Variants in HOOK3 observed in about 807,000 individuals in gnomAD.
The protein encoded by HOOK3 is hook microtubule tethering protein 3, also known as protein Hook homolog 3.
HOOK3 carries 24 observed loss-of-function variants against 116.3 expected under a neutral mutation model. The observed-to-expected ratio is 0.21, with a 90% CI of 0.15 to 0.29. The LOEUF is 0.29. Among genes scored for constraint, HOOK3 ranks in the 10% least tolerant of loss-of-function variants. The probability of loss-of-function intolerance (pLI) is 1.00; values close to 1 mark genes in which losing one functional copy is unlikely to be tolerated. For missense variants in HOOK3, 632 were observed against 830.2 expected, an observed-to-expected ratio of 0.76 and a Z score of 2.93; for synonymous variants, 275 against 283.0, an observed-to-expected ratio of 0.97 and a Z score of 0.28.
intron 2 of HOOK3, among the ~76,000 whole-genome samples, chr8:42,924,725 C>T (rs1032935412): frequency 6.6e-6 from 1 of 152,100 alleles, no homozygotes; most frequent in Non-Finnish European, 1.5e-5. Context: ...GTAATCCCAG[C>T]ACTTTGGGAG....
chr8:42,986,824 C>T lies in HOOK3; in HGVS notation c.1532+29C>T, dbSNP rs1016988886. 1.1e-5 allele frequency: 17 copies of T among 1,604,594 alleles called. No individual in the cohort carries two copies. The Admixed American group carries it at 2.4e-4, about 23-fold the overall frequency. On this transcript the variant is annotated intron_variant, in intron 15 of 21. Coordinates refer to ENST00000307602, the MANE Select transcript of HOOK3 (RefSeq NM_032410.4). ...GAGTATTATAGGTGGCCGCATCTGG[C>T]TATAAGTTTTCCCTATTTGCCTTGA...
intron 8 of HOOK3, among the ~76,000 whole-genome samples, chr8:42,962,729 C>G (rs1438462792): frequency 2.1e-4 from 31 of 147,582 alleles, no homozygotes. Flanking sequence ...AAATTAGATT[C>G]TTTTTGTCTG....
chr8:42,939,229 T>A (rs1254396230), intron 4 of HOOK3, among the ~76,000 whole-genome samples: 2 of 152,184 alleles, frequency 1.3e-5, no homozygotes, highest in South Asian at 4.1e-4. Context: ...AATGAGCTAT[T>A]GGGTACACCT....
chr8:42,972,585 G>A (rs1385991509), intron 11 of HOOK3, among the ~76,000 whole-genome samples: 1 of 152,056 alleles, frequency 6.6e-6, no homozygotes, highest in Non-Finnish European at 1.5e-5. Flanking sequence ...TTAAATTGTA[G>A]AGACTGGGTC....
chr8:42,997,489 C>G, intron 15 of HOOK3, 61 bp from the exon 16 acceptor site: 11 of 977,336 alleles, frequency 1.1e-5, no homozygotes, highest in Non-Finnish European at 1.7e-5. Context: ...ATATGACAAC[C>G]TAGGGAAAAA....
In HOOK3 at chr8:42,929,099, A is replaced by T. The variant is rs542137598; in HGVS notation, c.217-1023A>T. Among the ~76,000 whole-genome samples, 3 of 152,352 alleles carry T rather than the reference A, an allele frequency of 2.0e-5. No homozygotes were observed. In the East Asian group the frequency reaches 5.8e-4, roughly 29 times the overall value. On this transcript the variant is annotated intron_variant, in intron 3 of 21. Transcript: ENST00000307602. Reference sequence around the variant, plus strand: ...GATGTAGCTTTTTGTGATGTGATTTAAAAAACTACCATTTTAAATGAATGG... The same window carrying T: ...GATGTAGCTTTTTGTGATGTGATTTTAAAAACTACCATTTTAAATGAATGG...
Position 43,024,031 on chromosome 8 carries a change from G to T in HOOK3, c.*5533G>T, listed in dbSNP as rs144121487. The T allele has an allele frequency of 8.8e-4, 180 of 204,204 alleles. No individual in the cohort carries two copies. Among genetic ancestry groups the T allele is most frequent in the African/African-American group, 3.9e-3 (172 of 43,778 alleles). The allele number at this position is 204,204 out of a possible 1,614,324, so 12.6% of individuals were successfully genotyped here. ...GGATAACTCCAGTTATCCCCAGTTG[G>T]ATCATGTGTGATTTATCTGAGAAAG... On this transcript the variant is annotated 3_prime_UTR_variant, in exon 22 of 22. Transcript: ENST00000307602.
intron 1 of HOOK3, among the ~76,000 whole-genome samples, chr8:42,902,341 A>T (rs1807207733): frequency 6.6e-6 from 1 of 150,998 alleles, no homozygotes. Flanking sequence ...GAGCAGTCAC[A>T]GCTCACTGCA....
chr8:42,928,285 A>G (rs1054535458), intron 3 of HOOK3, among the ~76,000 whole-genome samples: 2 of 151,400 alleles, frequency 1.3e-5, no homozygotes, highest in African/African-American at 4.9e-5. Flanking sequence ...CTCAGAAAAA[A>G]AAAAAGAAAA....
At position 43,013,417 on chromosome 8, in the gene HOOK3, T is replaced by C. The variant is rs754839368; in HGVS notation, c.2016+17T>C. The C allele has an allele frequency of 1.9e-6, 3 of 1,549,076 alleles. No homozygotes were observed. The highest frequency in any genetic ancestry group is 2.6e-6 in the Non-Finnish European group (3 of 1,151,934). ...TACAATATGGTAAGAAAATAGTACT[T>C]TGGAGCATAATGAAAACTTCAATGA... On this transcript the variant is annotated intron_variant, in intron 21 of 21. Transcript: ENST00000307602.
chr8:42,996,710 T>C (rs1183819107), intron 15 of HOOK3, among the ~76,000 whole-genome samples: 1 of 152,142 alleles, frequency 6.6e-6, no homozygotes, highest in Non-Finnish European at 1.5e-5. Context: ...CTCATAGATG[T>C]TTTATTTATT....
intron 13 of HOOK3, among the ~76,000 whole-genome samples, chr8:42,976,201 T>C (rs1346192192): frequency 1.3e-5 from 2 of 152,012 alleles, no homozygotes; most frequent in African/African-American, 4.8e-5. Context: ...GGGCTGTCAG[T>C]GTTTGGTAGA....
chr8:42,987,530 C>T (rs1236034009), intron 15 of HOOK3, among the ~76,000 whole-genome samples: 2 of 152,162 alleles, frequency 1.3e-5, no homozygotes, highest in African/African-American at 4.8e-5. Context: ...CAGTAGCTCC[C>T]TCGTAATTGG....
At chr8:42,902,102 T>A (rs372940276) in intron 1 of HOOK3, among the ~76,000 whole-genome samples, 1 of 152,138 alleles carries the variant, frequency 6.6e-6, no homozygotes, top group East Asian at 1.9e-4. Context: ...TTTTCCAATC[T>A]TGCATCCCTT....
intron 16 of HOOK3, 140 bp downstream of exon 16, chr8:42,997,777 C>CTA: frequency 1.6e-6 from 1 of 643,054 alleles, no homozygotes; most frequent in Non-Finnish European, 2.8e-6. Flanking sequence ...TTCCTTTTTA[C>CTA]TAACATTCCT....
At chr8:42,989,339 C>T (rs1458581393) in intron 15 of HOOK3, among the ~76,000 whole-genome samples, 1 of 152,248 alleles carries the variant, frequency 6.6e-6, no homozygotes, top group Admixed American at 6.5e-5. Flanking sequence ...AAGGTAGAGG[C>T]AATTCACATT....
At chr8:42,947,247 C>T (rs900291922) in intron 5 of HOOK3, among the ~76,000 whole-genome samples, 11 of 152,058 alleles carry the variant, frequency 7.2e-5, no homozygotes, top group Non-Finnish European at 1.0e-4. Context: ...GTAGATGCTT[C>T]GATTTTAAGG....
chr8:43,015,211 A>G (rs1809689348), intron 21 of HOOK3, among the ~76,000 whole-genome samples: 2 of 152,132 alleles, frequency 1.3e-5, no homozygotes, highest in South Asian at 4.1e-4. Context: ...AAATCGTATC[A>G]GAGTTAGAAT....
intron 17 of HOOK3, among the ~76,000 whole-genome samples, chr8:43,006,944 C>T (rs547156775): frequency 6.7e-6 from 1 of 150,160 alleles, no homozygotes; most frequent in East Asian, 2.0e-4. Flanking sequence ...GAAAATATCT[C>T]ACTTTCAGTT....
Sources: allele counts gnomAD v4.1 joint callset (sites outside exome capture counted in the v4.1 genomes callset), GRCh38; gene constraint gnomAD v4.1.1; transcripts MANE v1.5; gene names NCBI Gene and HGNC (gene_info 2026-07-23, HGNC 2026-07-21).